The following SMYD3 variants were observed in gnomAD, a reference collection of about 807,000 sequenced individuals.
SMYD3 encodes the protein histone-lysine N-methyltransferase SMYD3.
Under a neutral mutation model 57.7 loss-of-function variants are expected in SMYD3, and 36 were observed. That is an observed-to-expected ratio of 0.62 (90% CI 0.48 to 0.82). The LOEUF (loss-of-function observed/expected upper bound fraction) is 0.82. Ranked by LOEUF, SMYD3 falls within the 40% of genes least tolerant of loss-of-function variation. The pLI is 0.00. For missense variants in SMYD3, 515 were observed against 538.8 expected (o/e 0.96, Z 0.44); for synonymous variants, 211 against 195.0 (o/e 1.08, Z -0.68).
chr1:246,302,104 G>A (rs982529898), intron 5 of SMYD3, among the ~76,000 whole-genome samples: 2 of 152,072 alleles, frequency 1.3e-5, no homozygotes, highest in Non-Finnish European at 2.9e-5. Flanking sequence ...CCCCACCAGT[G>A]AAATACAATC....
intron 4 of SMYD3, among the ~76,000 whole-genome samples, 179 bp downstream of exon 4, chr1:246,330,301 G>A (rs960768952): frequency 6.6e-6 from 1 of 152,212 alleles, no homozygotes; most frequent in Non-Finnish European, 1.5e-5. Context: ...TTATCAGGAC[G>A]AAGCTACCCT....
intron 5 of SMYD3, among the ~76,000 whole-genome samples, chr1:246,319,654 C>T (rs1314101033): frequency 6.6e-6 from 1 of 152,154 alleles, no homozygotes; most frequent in East Asian, 1.9e-4. Flanking sequence ...CCTCAAGTGA[C>T]AAACATATAC....
chr1:246,155,935 C>T (rs554768155), intron 5 of SMYD3, among the ~76,000 whole-genome samples: 1 of 151,646 alleles, frequency 6.6e-6, no homozygotes, highest in South Asian at 2.1e-4. Flanking sequence ...TGCAATGAGC[C>T]AAGATTGTGC....
At chr1:245,929,970 A>C in intron 5 of SMYD3, 33 bp from the exon 6 acceptor site, 1 of 1,579,842 alleles carries the variant, frequency 6.3e-7, no homozygotes, top group East Asian at 2.2e-5. Context: ...CAGTATTACT[A>C]GAGTCACTTA....
intron 5 of SMYD3, among the ~76,000 whole-genome samples, chr1:246,181,683 TA>T (rs146791077): frequency 0.07 from 10,722 of 152,224 alleles, 540 homozygotes; most frequent in African/African-American, 0.13. Flanking sequence ...AACAGACACA[TA>T]GGGGTCCCCT....
chr1:245,805,608 A>T (rs890135018), intron 10 of SMYD3, among the ~76,000 whole-genome samples: 2 of 152,212 alleles, frequency 1.3e-5, no homozygotes, highest in Non-Finnish European at 2.9e-5. Flanking sequence ...TACTGCCAAA[A>T]TTTGTGGCAC....
intron 5 of SMYD3, among the ~76,000 whole-genome samples, chr1:246,137,699 C>T (rs1225458337): frequency 2.6e-5 from 4 of 152,180 alleles, no homozygotes; most frequent in Non-Finnish European, 5.9e-5. Context: ...TCGATTTTTC[C>T]CTCCACCCTA....
intron 5 of SMYD3, among the ~76,000 whole-genome samples, chr1:246,107,194 G>A (rs1240442836): frequency 2.6e-5 from 4 of 151,152 alleles, no homozygotes; most frequent in African/African-American, 9.8e-5. Context: ...GGTTGAGGCA[G>A]GAGAATGGTG....
rs139524945 is a variant in SMYD3, at chr1:246,101,064, GTTTTTTGTTTTTTT to G, written c.532-171141_532-171128del. Among the ~76,000 whole-genome samples the G allele has an allele frequency of 2.4e-4, 19 of 78,596 alleles. 1 individual carries two copies. The highest frequency in any genetic ancestry group is 1.3e-3 in the Admixed American group (9 of 6,904). 51.6% of individuals were successfully genotyped at this position (78,596 alleles called of 152,430 possible). A position where few individuals can be genotyped will look rare whatever the true frequency, so the allele number is the denominator to read the frequency against. Reference sequence around the variant, plus strand: ...TCACTAGTAATATGTATTTTTAGGGGTTTTTTGTTTTTTTTTTTTTTTTTTTTTTTTTTTTTACA... The same window carrying G: ...TCACTAGTAATATGTATTTTTAGGGGTTTTTTTTTTTTTTTTTTTTTTACA... On this transcript the variant is annotated intron_variant, in intron 5 of 11. Coordinates refer to ENST00000490107, the MANE Select transcript of SMYD3 (RefSeq NM_001167740.2).
intron 5 of SMYD3, among the ~76,000 whole-genome samples, chr1:246,235,196 G>A (rs59056824): frequency 6.6e-6 from 1 of 152,030 alleles, no homozygotes; most frequent in Non-Finnish European, 1.5e-5. Context: ...AGAAAAGACA[G>A]GAGTTAATAC....
intron 10 of SMYD3, among the ~76,000 whole-genome samples, chr1:245,802,761 G>C (rs543566400): frequency 6.6e-4 from 100 of 152,300 alleles, no homozygotes; most frequent in African/African-American, 2.4e-3. Flanking sequence ...GAATGAATCT[G>C]CCAGGCCAGC....
In SMYD3 at chr1:245,978,266, G is replaced by T. The variant is rs538102632; in HGVS notation, c.532-48329C>A. 5.4e-4 allele frequency among the ~76,000 whole-genome samples: 82 copies of T among 152,330 alleles called. 1 individual carries two copies. The highest frequency in any genetic ancestry group is 1.9e-3 in the African/African-American group (80 of 41,550). ...TAATTGATAAGTTCATCTAGGGCAA[G>T]AATCATGATTTATCCATCTTCGTGC... On this transcript the variant is annotated intron_variant, in intron 5 of 11. Transcript: ENST00000490107.
intron 1 of SMYD3, among the ~76,000 whole-genome samples, chr1:246,478,096 T>C (rs890965320): frequency 2.1e-5 from 3 of 141,372 alleles, no homozygotes; most frequent in Admixed American, 7.0e-5. Context: ...TGAGAACATA[T>C]GTGGCTAGGT....
chr1:246,254,218 T>C (rs1293327675), intron 5 of SMYD3, among the ~76,000 whole-genome samples: 2 of 152,210 alleles, frequency 1.3e-5, no homozygotes, highest in East Asian at 3.8e-4. Context: ...CCATAAATTA[T>C]TTGCCAAAGT....
chr1:245,749,438 C>T lies in SMYD3; in HGVS notation c.*125G>A. On this transcript the variant is annotated 3_prime_UTR_variant, in exon 12 of 12. Coordinates refer to ENST00000490107, the MANE Select transcript of SMYD3 (RefSeq NM_001167740.2). ...GCAAACCATGTCTGCCTTTATTTAC[C>T]TACACAAACACGGAACAGAATTTCC... The T allele has an allele frequency of 4.5e-6, 3 of 661,810 alleles. No homozygotes were observed. The highest frequency in any genetic ancestry group is 2.8e-5 in the East Asian group (1 of 36,066). 41.0% of individuals were successfully genotyped at this position (661,810 alleles called of 1,614,324 possible).
At chr1:246,384,845 C>T (rs2148758014) in intron 1 of SMYD3, among the ~76,000 whole-genome samples, 1 of 152,256 alleles carries the variant, frequency 6.6e-6, no homozygotes, top group East Asian at 1.9e-4. Context: ...ACTGATTCTC[C>T]TATTTACTAT....
At chr1:245,878,721 A>G (rs1050555570) in intron 8 of SMYD3, among the ~76,000 whole-genome samples, 1 of 152,176 alleles carries the variant, frequency 6.6e-6, no homozygotes, top group Non-Finnish European at 1.5e-5. Flanking sequence ...CAGCCCCAGC[A>G]CCTGTCTGCA....
intron 10 of SMYD3, among the ~76,000 whole-genome samples, chr1:245,813,051 G>A (rs1285660089): frequency 4.2e-5 from 5 of 119,448 alleles, no homozygotes; most frequent in Non-Finnish European, 8.0e-5. Context: ...GTCTCGCTCT[G>A]TTGCCCAGGC....
At chr1:246,011,384 C>T (rs1284343521) in intron 5 of SMYD3, among the ~76,000 whole-genome samples, 2 of 152,140 alleles carry the variant, frequency 1.3e-5, no homozygotes, top group African/African-American at 4.8e-5. Flanking sequence ...AATAAGATGA[C>T]TTAAAGTTTA....
Sources: allele counts gnomAD v4.1 joint callset (sites outside exome capture counted in the v4.1 genomes callset), GRCh38; gene constraint gnomAD v4.1.1; transcripts MANE v1.5; gene names NCBI Gene and HGNC (gene_info 2026-07-23, HGNC 2026-07-21).